The following VPS35L variants were observed in gnomAD, a reference collection of about 807,000 sequenced individuals.
The protein encoded by VPS35L is VPS35 endosomal protein sorting factor like.
In VPS35L, 83 loss-of-function variants were observed where a neutral mutation model predicts 133.0. The ratio of observed to expected loss-of-function variants is 0.62; its 90% CI spans 0.52 to 0.75. The LOEUF is 0.75. Among genes scored for constraint, VPS35L ranks in the 30% least tolerant of loss-of-function variants. The probability of loss-of-function intolerance (pLI) is 0.00; values close to 1 mark genes in which losing one functional copy is unlikely to be tolerated. For synonymous variants in VPS35L, 423 were observed against 449.9 expected (o/e 0.94, Z 0.76); for missense variants, 1,083 against 1,206.8 (o/e 0.90, Z 1.52).
chr16:19,671,940 C>T (rs1471685582), intron 27 of VPS35L, among the ~76,000 whole-genome samples: 1 of 152,168 alleles, frequency 6.6e-6, no homozygotes, highest in East Asian at 1.9e-4. Flanking sequence ...CAGAGTCTCA[C>T]TCAGTAGGTT....
chr16:19,569,475 A>ACGTCCT lies in VPS35L; in HGVS notation c.171_176dup (p.Ser63_Ser64dup), dbSNP rs764737854. On this transcript the variant is annotated inframe_insertion, in exon 3 of 31. Coordinates refer to ENST00000417362, the MANE Select transcript of VPS35L (RefSeq NM_020314.7). ...GAACCGGAAAGGAAGCACTTCTTCC[A>ACGTCCT]CGTCCTCCTCCTCCTCCAGCTCCGT... 40 of 1,607,812 alleles carry ACGTCCT rather than the reference A, an allele frequency of 2.5e-5. No individual in the cohort carries two copies. The highest frequency in any genetic ancestry group is 3.2e-5 in the Non-Finnish European group (38 of 1,177,218).
chr16:19,683,528 C>G (rs1228058840), intron 28 of VPS35L, among the ~76,000 whole-genome samples: 1 of 152,180 alleles, frequency 6.6e-6, no homozygotes, highest in Non-Finnish European at 1.5e-5. Context: ...TTGGGGCCCA[C>G]TTACAAGTGA....
chr16:19,653,752 G>A (rs887737602), intron 26 of VPS35L, among the ~76,000 whole-genome samples: 1 of 152,242 alleles, frequency 6.6e-6, no homozygotes, highest in African/African-American at 2.4e-5. Context: ...GCCAATTGGA[G>A]AGTGATCACT....
intron 7 of VPS35L, among the ~76,000 whole-genome samples, chr16:19,586,408 C>G (rs972763099): frequency 1.3e-5 from 2 of 152,112 alleles, no homozygotes; most frequent in Admixed American, 6.5e-5. Context: ...GGCATGATCT[C>G]AGCTCACTGC....
intron 7 of VPS35L, among the ~76,000 whole-genome samples, chr16:19,589,537 G>T (rs1001471127): frequency 1.7e-4 from 26 of 152,150 alleles, no homozygotes; most frequent in Non-Finnish European, 3.2e-4. Context: ...GAGCCACCAT[G>T]CCCAGCTGGG....
chr16:19,684,607 A>G (rs1194203613), intron 28 of VPS35L, among the ~76,000 whole-genome samples: 1 of 152,190 alleles, frequency 6.6e-6, no homozygotes, highest in Non-Finnish European at 1.5e-5. Context: ...CAGCTTTACT[A>G]TGAGGACAGG....
chr16:19,649,947 A>G (rs1045189532), intron 24 of VPS35L, among the ~76,000 whole-genome samples: 8 of 152,172 alleles, frequency 5.3e-5, no homozygotes, highest in African/African-American at 1.9e-4. Context: ...TGTGGCTACT[A>G]TCATTATTGT....
rs56992454 is a variant in VPS35L at position 19,595,288 on chromosome 16, G to A, written c.724+3414G>A. ...GCCCGGAGCCTGTGGCAGCACTTGC[G>A]GTGAGAGGCAGGGGTGGCTTGGCCC... On this transcript the variant is annotated intron_variant, in intron 8 of 30. Coordinates refer to ENST00000417362, the MANE Select transcript of VPS35L (RefSeq NM_020314.7). 7.5e-3 allele frequency among the ~76,000 whole-genome samples: 1,135 copies of A among 152,232 alleles called. 14 individuals are homozygous for A. Among genetic ancestry groups the A allele is most frequent in the African/African-American group, 0.026 (1,063 of 41,538 alleles).
chr16:19,650,304 T>C (rs1974082963), intron 24 of VPS35L, 78 bp from the exon 25 acceptor site: 10 of 1,157,824 alleles, frequency 8.6e-6, no homozygotes, highest in Non-Finnish European at 1.3e-5. Flanking sequence ...ATGTAGTTAA[T>C]GTTGAGATCT....
intron 4 of VPS35L, among the ~76,000 whole-genome samples, chr16:19,573,663 A>T (rs1971450038): frequency 6.6e-6 from 1 of 152,100 alleles, no homozygotes; most frequent in Non-Finnish European, 1.5e-5. Context: ...TACTAAAAAA[A>T]TTAGCCAGGC....
chr16:19,654,850 C>A (rs1226942748), intron 26 of VPS35L, among the ~76,000 whole-genome samples: 1 of 152,158 alleles, frequency 6.6e-6, no homozygotes, highest in African/African-American at 2.4e-5. Flanking sequence ...CTAGATCTTT[C>A]TTCTTCCCAT....
chr16:19,673,545 G>A (rs1320390384), intron 27 of VPS35L, among the ~76,000 whole-genome samples: 1 of 150,982 alleles, frequency 6.6e-6, no homozygotes, highest in Admixed American at 6.6e-5. Flanking sequence ...GAACAGATTT[G>A]AGTTATTTAT....
chr16:19,651,005 AGTAG>A (rs1454859081), intron 25 of VPS35L, among the ~76,000 whole-genome samples: 1 of 151,398 alleles, frequency 6.6e-6, no homozygotes, highest in Non-Finnish European at 1.5e-5. Flanking sequence ...CAACCTCCTG[AGTAG>A]CTGGGATTAC....
chr16:19,686,679 G>A (rs890531420), intron 28 of VPS35L, among the ~76,000 whole-genome samples: 1 of 152,092 alleles, frequency 6.6e-6, no homozygotes, highest in Non-Finnish European at 1.5e-5. Context: ...GGACTTGAAG[G>A]CCCCCAATAC....
rs1467662928 is a variant in VPS35L, at chr16:19,569,601, C to T, written c.285+10C>T. 6.6e-7 allele frequency: 1 copy of T among 1,525,976 alleles called. No homozygotes were observed. The highest frequency in any genetic ancestry group is 8.8e-7 in the Non-Finnish European group (1 of 1,137,940). 94.5% of individuals were successfully genotyped at this position (1,525,976 alleles called of 1,614,324 possible). A position where few individuals can be genotyped will look rare whatever the true frequency, so the allele number is the denominator to read the frequency against. Reference sequence around the variant, plus strand: ...CTTGGCAGCTGCCATGGTAATGCACCCCAGCCATGGTCGTCCAGTGGGGGT... The same window carrying T: ...CTTGGCAGCTGCCATGGTAATGCACTCCAGCCATGGTCGTCCAGTGGGGGT... On this transcript the variant is annotated intron_variant, in intron 3 of 30. Coordinates refer to ENST00000417362, the MANE Select transcript of VPS35L (RefSeq NM_020314.7).
chr16:19,649,557 C>T (rs1442750862), intron 24 of VPS35L, among the ~76,000 whole-genome samples: 3 of 152,170 alleles, frequency 2.0e-5, no homozygotes, highest in Non-Finnish European at 2.9e-5. Flanking sequence ...CTTTTTACAA[C>T]GTGCAACAAA....
At chr16:19,615,757 A>G (rs1370504821) in intron 12 of VPS35L, among the ~76,000 whole-genome samples, 1 of 152,006 alleles carries the variant, frequency 6.6e-6, no homozygotes, top group Non-Finnish European at 1.5e-5. Flanking sequence ...TCATGAGGTC[A>G]GAAGATCAAG....
chr16:19,633,347 G>C lies in VPS35L; in HGVS notation c.1635+175G>C, dbSNP rs1184729832. Among the ~76,000 whole-genome samples the C allele has an allele frequency of 1.3e-5, 2 of 152,148 alleles. No homozygotes were observed. The highest frequency in any genetic ancestry group is 2.9e-5 in the Non-Finnish European group (2 of 68,026). On this transcript the variant is annotated intron_variant, in intron 19 of 30. Transcript: ENST00000417362. This position sits in a 1 kb window ranked among gnomAD's most constrained non-coding sequence, Gnocchi z 4.1. ...AGTTACTTAACCTTGTTGTGCCCCAGTTTTCTCACCTGTGAAATGGAGATA... is the reference window on the plus strand; with the variant it reads ...AGTTACTTAACCTTGTTGTGCCCCACTTTTCTCACCTGTGAAATGGAGATA...
rs535276911 is a variant in VPS35L at position 19,689,293 on chromosome 16, CAG to C, written c.2528-2057_2528-2056del. Reference sequence around the variant, plus strand: ...TGCCTGGCGTTTTTTTTTTTTGAGACAGAGTCTCGCTCAGTCACCCAGGCTGG... The same window carrying C: ...TGCCTGGCGTTTTTTTTTTTTGAGACAGTCTCGCTCAGTCACCCAGGCTGG... On this transcript the variant is annotated intron_variant, in intron 28 of 30. Transcript: ENST00000417362. Among the ~76,000 whole-genome samples the C allele has an allele frequency of 2.7e-4, 39 of 147,026 alleles. No homozygotes were observed. The South Asian group carries it at 7.7e-3, about 29-fold the overall frequency.
Sources: allele counts gnomAD v4.1 joint callset (sites outside exome capture counted in the v4.1 genomes callset), GRCh38; gene constraint gnomAD v4.1.1; non-coding constraint Gnocchi (gnomAD v3.1); transcripts MANE v1.5; gene names NCBI Gene and HGNC (gene_info 2026-07-23, HGNC 2026-07-21).